The following IQSEC1 variants were observed in gnomAD, a reference collection of about 807,000 sequenced individuals.
IQSEC1 encodes IQ motif and Sec7 domain ArfGEF 1, also known as IQ motif and SEC7 domain-containing protein 1.
IQSEC1 carries 31 observed loss-of-function variants against 91.0 expected under a neutral mutation model. That is an observed-to-expected ratio of 0.34 (90% CI 0.26 to 0.46). The LOEUF (loss-of-function observed/expected upper bound fraction) is 0.46. IQSEC1 is among the 20% of genes least tolerant of loss of function. The pLI, the probability that IQSEC1 is intolerant of heterozygous loss-of-function variation, is 1.00. For missense variants in IQSEC1, 1,388 were observed against 1,575.6 expected, an observed-to-expected ratio of 0.88 and a Z score of 2.02; for synonymous variants, 699 against 662.6, an observed-to-expected ratio of 1.05 and a Z score of -0.84.
At chr3:13,250,756 C>T (rs957832514) in intron 1 of IQSEC1, among the ~76,000 whole-genome samples, 4 of 152,058 alleles carry the variant, frequency 2.6e-5, no homozygotes, top group South Asian at 2.1e-4. Context: ...CATGAGCCAC[C>T]GCACCTGGCC....
intron 1 of IQSEC1, among the ~76,000 whole-genome samples, chr3:13,230,688 T>C (rs1390142538): frequency 1.3e-5 from 2 of 152,192 alleles, no homozygotes; most frequent in African/African-American, 4.8e-5. Context: ...TTGCTAAAAA[T>C]TTCCATGGAA....
Position 12,992,979 on chromosome 3 carries a change from G to A in IQSEC1, c.24-51114C>T, listed in dbSNP as rs1356191509. Among the ~76,000 whole-genome samples, 1 of 152,130 alleles carries A rather than the reference G, an allele frequency of 6.6e-6. No homozygotes were observed. Among genetic ancestry groups the A allele is most frequent in the Non-Finnish European group, 1.5e-5 (1 of 68,008 alleles). On this transcript the variant is annotated intron_variant, in intron 1 of 13. Coordinates refer to ENST00000613206, the MANE Select transcript of IQSEC1 (RefSeq NM_001134382.3). The surrounding 1 kb of genome is among the most constrained non-coding windows in gnomAD (Gnocchi z 4.1). ...AGGGCAGGTGGTTTTGTAGCGGGAG[G>A]TTGCGGTGGGGGCGGGGGTCCCACA... is the stretch of plus-strand genomic sequence containing the variant.
rs1476563143 is a variant in IQSEC1, at chr3:12,994,359, G to A, written c.24-52494C>T. Among the ~76,000 whole-genome samples, 1 of 151,956 alleles carries A rather than the reference G, an allele frequency of 6.6e-6. No homozygotes were observed. The highest frequency in any genetic ancestry group is 2.4e-5 in the African/African-American group (1 of 41,410). On this transcript the variant is annotated intron_variant, in intron 1 of 13. Transcript: ENST00000613206. The surrounding 1 kb of genome is among the most constrained non-coding windows in gnomAD (Gnocchi z 4.5). Reference sequence around the variant, plus strand: ...TGTGTGTGCGTGCGCGGCTGTGCTAGGGGGCGGGGAGGACGGTGCCGCCCC... The same window carrying A: ...TGTGTGTGCGTGCGCGGCTGTGCTAAGGGGCGGGGAGGACGGTGCCGCCCC...
chr3:13,170,908 G>C (rs1693594510), intron 1 of IQSEC1, among the ~76,000 whole-genome samples: 1 of 152,008 alleles, frequency 6.6e-6, no homozygotes, highest in Admixed American at 6.6e-5. Context: ...GACCAGCCTG[G>C]CCAACATGGT....
In IQSEC1 at chr3:12,898,564, G is replaced by C. The variant is rs1488441785; in HGVS notation, c.*2419C>G. The C allele has an allele frequency of 6.6e-6, 1 of 152,066 alleles. No homozygotes were observed. Among genetic ancestry groups the C allele is most frequent in the Non-Finnish European group, 1.5e-5 (1 of 68,020 alleles). The allele number at this position is 152,066 out of a possible 1,614,324, so 9.4% of individuals were successfully genotyped here. On this transcript the variant is annotated 3_prime_UTR_variant, in exon 14 of 14. Coordinates refer to ENST00000613206, the MANE Select transcript of IQSEC1 (RefSeq NM_001134382.3). Reference sequence around the variant, plus strand: ...AGAGTTTCCTGAAAGCCCCTCCTGGGGTTTTCTGTCTGTTCCTATTCATTA... The same window carrying C: ...AGAGTTTCCTGAAAGCCCCTCCTGGCGTTTTCTGTCTGTTCCTATTCATTA...
At chr3:12,928,644 A>G (rs1054108418) in intron 3 of IQSEC1, among the ~76,000 whole-genome samples, 3 of 152,102 alleles carry the variant, frequency 2.0e-5, no homozygotes, top group Non-Finnish European at 2.9e-5. Flanking sequence ...TCCTTCCCCA[A>G]TCAGTCCTTG....
intron 1 of IQSEC1, among the ~76,000 whole-genome samples, chr3:13,187,802 G>A (rs781075274): frequency 4.9e-4 from 74 of 152,288 alleles, no homozygotes; most frequent in Admixed American, 2.2e-3. Flanking sequence ...CCGCAGGCTC[G>A]GTGTCTGCTG....
intron 1 of IQSEC1, among the ~76,000 whole-genome samples, chr3:13,174,432 C>T (rs1559270075): frequency 6.6e-6 from 1 of 152,262 alleles, no homozygotes; most frequent in East Asian, 1.9e-4. Context: ...ACTGAGCAGG[C>T]ATTTTGCACT....
intron 1 of IQSEC1, among the ~76,000 whole-genome samples, chr3:13,002,171 A>G (rs1182782904): frequency 6.6e-6 from 1 of 152,232 alleles, no homozygotes; most frequent in Non-Finnish European, 1.5e-5. Context: ...GCTTCCCACC[A>G]TACACAAAAA....
At chr3:13,267,656 C>T (rs978009124) in intron 1 of IQSEC1, among the ~76,000 whole-genome samples, 3 of 147,958 alleles carry the variant, frequency 2.0e-5, no homozygotes, top group Admixed American at 1.4e-4. Flanking sequence ...CTCGCTCTGT[C>T]GCCCAGGCTG....
At chr3:13,150,558 G>A (rs547345522) in intron 2 of IQSEC1, among the ~76,000 whole-genome samples, 2 of 152,288 alleles carry the variant, frequency 1.3e-5, no homozygotes, top group Middle Eastern at 3.4e-3. Flanking sequence ...CCAAACAAGC[G>A]CCTGCATGGG....
intron 1 of IQSEC1, among the ~76,000 whole-genome samples, chr3:13,172,277 C>T (rs1693632014): frequency 6.6e-6 from 1 of 152,156 alleles, no homozygotes; most frequent in Admixed American, 6.5e-5. Context: ...GTAGATGGAA[C>T]CATGGCCAGG....
At chr3:13,115,193 T>G (rs1287373538) in intron 2 of IQSEC1, among the ~76,000 whole-genome samples, 1 of 152,218 alleles carries the variant, frequency 6.6e-6, no homozygotes, top group East Asian at 1.9e-4. Context: ...GTCTGGCTCT[T>G]CCCTACCTGG....
chr3:12,981,288 A>G (rs1286233326), intron 1 of IQSEC1, among the ~76,000 whole-genome samples: 2 of 152,234 alleles, frequency 1.3e-5, no homozygotes, highest in Non-Finnish European at 2.9e-5. Flanking sequence ...TCTACCTTGT[A>G]GGGCTAAGTC....
chr3:13,080,719 C>T (rs1229964622), intron 2 of IQSEC1, among the ~76,000 whole-genome samples: 3 of 152,174 alleles, frequency 2.0e-5, no homozygotes, highest in Non-Finnish European at 4.4e-5. Flanking sequence ...AAGTGCGCTC[C>T]CTCCCTGCCT....
chr3:12,955,699 C>T (rs1699858829), intron 1 of IQSEC1, among the ~76,000 whole-genome samples: 1 of 152,252 alleles, frequency 6.6e-6, no homozygotes, highest in Admixed American at 6.5e-5. Context: ...AAGAGAGGGG[C>T]TGGGCAAAGC....
intron 1 of IQSEC1, among the ~76,000 whole-genome samples, chr3:12,991,627 G>C (rs1165991897): frequency 6.6e-6 from 1 of 152,220 alleles, no homozygotes; most frequent in Non-Finnish European, 1.5e-5. Flanking sequence ...CAGCACAAAG[G>C]CAGCTCCAGC....
chr3:12,897,581 C>T lies in IQSEC1; in HGVS notation c.*3402G>A, dbSNP rs1693769011. 1 of 152,238 alleles carries T rather than the reference C, an allele frequency of 6.6e-6. No homozygotes were observed. The highest frequency in any genetic ancestry group is 1.5e-5 in the Non-Finnish European group (1 of 68,048). 9.4% of individuals were successfully genotyped at this position (152,238 alleles called of 1,614,324 possible). ...TCTTGTCCTGTGCTCAGCACCCCCACCTCACCCTGCTCAGTGTTGCAATGC... is the reference window on the plus strand; with the variant it reads ...TCTTGTCCTGTGCTCAGCACCCCCATCTCACCCTGCTCAGTGTTGCAATGC... On this transcript the variant is annotated 3_prime_UTR_variant, in exon 14 of 14. Transcript: ENST00000613206.
chr3:12,967,565 G>C lies in IQSEC1; in HGVS notation c.24-25700C>G, dbSNP rs1700666575. 1 of 1,340,672 alleles carries C rather than the reference G, an allele frequency of 7.5e-7. No homozygotes were observed. The highest frequency in any genetic ancestry group is 9.5e-7 in the Non-Finnish European group (1 of 1,053,992). The allele number at this position is 1,340,672 out of a possible 1,614,324, so 83.0% of individuals were successfully genotyped here. ...CGGGGCCGACACCCGGCCACCCGGA[G>C]ACCCGACCACCCGCCACGCGATCAC... On this transcript the variant is annotated intron_variant, in intron 1 of 13. Transcript: ENST00000613206. This position sits in a 1 kb window ranked among gnomAD's most constrained non-coding sequence, Gnocchi z 5.9.
Sources: gnomAD v4.1 joint callset for allele counts (sites outside exome capture counted in the v4.1 genomes callset) on GRCh38, gnomAD v4.1.1 for gene constraint, Gnocchi (gnomAD v3.1) non-coding constraint, MANE v1.5 for transcripts, NCBI Gene and HGNC (gene_info 2026-07-23, HGNC 2026-07-21) for gene names.